MALRD1: variants seen among roughly 807,000 people sequenced by gnomAD.
MALRD1 encodes MAM and LDL receptor class A domain containing 1, also known as MAM and LDL-receptor class A domain-containing protein 1.
In MALRD1, 247 loss-of-function variants were observed where a neutral mutation model predicts 242.1. The ratio of observed to expected loss-of-function variants is 1.02; its 90% CI spans 0.92 to 1.13. The LOEUF is 1.13. Among genes scored for constraint, MALRD1 ranks in the 50% most tolerant of loss-of-function variants. MALRD1 has a pLI of 0.00. For missense variants in MALRD1, 2,989 were observed against 2,533.1 expected (o/e 1.18, Z -3.86); for synonymous variants, 995 against 866.6 (o/e 1.15, Z -2.60).
At chr10:19,488,230 C>A (rs1837318624) in intron 29 of MALRD1, among the ~76,000 whole-genome samples, 1 of 152,012 alleles carries the variant, frequency 6.6e-6, no homozygotes, top group East Asian at 1.9e-4. Flanking sequence ...TTTCTAAGCC[C>A]CCTTTAGATG....
At chr10:19,472,490 A>T (rs1836543637) in intron 29 of MALRD1, among the ~76,000 whole-genome samples, 1 of 151,996 alleles carries the variant, frequency 6.6e-6, no homozygotes, top group African/African-American at 2.4e-5. Flanking sequence ...TCTTTTTTAA[A>T]AGAAGAATTT....
At chr10:19,255,738 C>A (rs1012779945) in intron 18 of MALRD1, among the ~76,000 whole-genome samples, 5 of 151,706 alleles carry the variant, frequency 3.3e-5, no homozygotes, top group African/African-American at 9.7e-5. Flanking sequence ...TAGAGCAAAC[C>A]CAACTGTCTT....
chr10:19,337,527 T>C (rs1843666442), intron 24 of MALRD1, among the ~76,000 whole-genome samples: 1 of 152,184 alleles, frequency 6.6e-6, no homozygotes, highest in African/African-American at 2.4e-5. Context: ...TTCTTGATCT[T>C]ATTGGCCATT....
chr10:19,488,399 T>G (rs1412850974), intron 29 of MALRD1, among the ~76,000 whole-genome samples: 3 of 152,112 alleles, frequency 2.0e-5, no homozygotes, highest in Non-Finnish European at 4.4e-5. Context: ...CTCTTATATG[T>G]GATGATACTC....
intron 10 of MALRD1, among the ~76,000 whole-genome samples, chr10:19,140,773 T>C (rs1588604810): frequency 6.6e-6 from 1 of 152,162 alleles, no homozygotes; most frequent in African/African-American, 2.4e-5. Context: ...AGAATGGCAG[T>C]TGTCCAGGGC....
At chr10:19,079,393 A>G (rs2358292) in intron 2 of MALRD1, among the ~76,000 whole-genome samples, 11,191 of 151,812 alleles carry the variant, frequency 0.074, 589 homozygotes, top group East Asian at 0.27. Flanking sequence ...TTTCTGACCT[A>G]AAATATTATC....
intron 28 of MALRD1, 62 bp downstream of exon 28, chr10:19,389,671 G>T (rs1201024902): frequency 3.4e-6 from 5 of 1,481,468 alleles, no homozygotes; most frequent in Non-Finnish European, 3.6e-6. Context: ...ACAGGGTCTT[G>T]CTCTGTCACT....
chr10:19,255,513 A>G (rs1839467482), intron 18 of MALRD1, among the ~76,000 whole-genome samples: 1 of 152,062 alleles, frequency 6.6e-6, no homozygotes, highest in Admixed American at 6.6e-5. Flanking sequence ...GTTAAACCTT[A>G]ACAGTCATAA....
Position 19,395,782 on chromosome 10 carries a change from G to A in MALRD1, c.4845+6173G>A, listed in dbSNP as rs1011611727. 7.9e-5 allele frequency among the ~76,000 whole-genome samples: 12 copies of A among 152,162 alleles called. 1 individual carries two copies. The highest frequency in any genetic ancestry group is 6.6e-4 in the Admixed American group (10 of 15,264). The stretch of plus-strand genomic sequence containing the variant: ...GAGAACATGGCAATAATTATTCCAG[G>A]CATATTTTTGAATATGTGAGATTTT... On this transcript the variant is annotated intron_variant, in intron 28 of 39. Coordinates refer to ENST00000454679, the MANE Select transcript of MALRD1 (RefSeq NM_001142308.3).
intron 19 of MALRD1, among the ~76,000 whole-genome samples, chr10:19,277,956 G>A (rs991192420): frequency 1.3e-5 from 2 of 152,018 alleles, no homozygotes; most frequent in Admixed American, 6.5e-5. Flanking sequence ...TTTTTCCAAT[G>A]TTAGAGCAAC....
chr10:19,448,884 C>T (rs1835152963), intron 28 of MALRD1, among the ~76,000 whole-genome samples: 1 of 151,776 alleles, frequency 6.6e-6, no homozygotes, highest in African/African-American at 2.4e-5. Flanking sequence ...ACTTTTCCTC[C>T]TAACTGAATT....
Position 19,714,577 on chromosome 10 carries a change from C to T in MALRD1, c.6315-16129C>T, listed in dbSNP as rs142695741. 1.3e-4 allele frequency among the ~76,000 whole-genome samples: 20 copies of T among 152,230 alleles called. No individual in the cohort carries two copies. In the East Asian group the frequency reaches 3.3e-3, roughly 25 times the overall value. Reference sequence around the variant, plus strand: ...AAAAATGCTTGTCCTCACCTACGTCCGTGGGCACAGTCCTGGGGGTAGAGC... The same window carrying T: ...AAAAATGCTTGTCCTCACCTACGTCTGTGGGCACAGTCCTGGGGGTAGAGC... On this transcript the variant is annotated intron_variant, in intron 38 of 39. Coordinates refer to ENST00000454679, the MANE Select transcript of MALRD1 (RefSeq NM_001142308.3).
intron 36 of MALRD1, among the ~76,000 whole-genome samples, chr10:19,653,755 G>T (rs868177132): frequency 6.6e-6 from 1 of 152,044 alleles, no homozygotes; most frequent in Non-Finnish European, 1.5e-5. Context: ...AATAGTCTAC[G>T]TAAATTTCAG....
At chr10:19,247,622 G>A (rs912284561) in intron 18 of MALRD1, among the ~76,000 whole-genome samples, 1 of 151,120 alleles carries the variant, frequency 6.6e-6, no homozygotes, top group African/African-American at 2.4e-5. Context: ...GGGAATCAGA[G>A]GCTTAAGTGA....
intron 24 of MALRD1, among the ~76,000 whole-genome samples, chr10:19,346,728 G>A (rs1844143857): frequency 2.6e-5 from 4 of 152,012 alleles, no homozygotes; most frequent in Admixed American, 2.6e-4. Context: ...CTCGCTCACT[G>A]CACCCTCTAC....
intron 19 of MALRD1, among the ~76,000 whole-genome samples, chr10:19,266,939 G>A (rs1008680787): frequency 4.6e-5 from 7 of 151,938 alleles, no homozygotes; most frequent in Non-Finnish European, 1.0e-4. Context: ...ATTGCTCTGA[G>A]ACATTTATAT....
chr10:19,552,449 G>T (rs1835522213), intron 32 of MALRD1, among the ~76,000 whole-genome samples: 1 of 151,960 alleles, frequency 6.6e-6, no homozygotes, highest in Admixed American at 6.6e-5. Flanking sequence ...GTGTTTATTT[G>T]AATCTTCTCT....
Position 19,450,079 on chromosome 10 carries a change from C to T in MALRD1, c.4846-228C>T, listed in dbSNP as rs148993781. ...GAATTATATTTTTGGAGCAGTATTA[C>T]GAGCCCTTAGTGCTTTCCCCGACCC... On this transcript the variant is annotated intron_variant, in intron 28 of 39. Coordinates refer to ENST00000454679, the MANE Select transcript of MALRD1 (RefSeq NM_001142308.3). Among the ~76,000 whole-genome samples the T allele has an allele frequency of 4.9e-4, 75 of 152,236 alleles. 2 individuals carry two copies. The East Asian group carries it at 8.3e-3, about 17-fold the overall frequency.
intron 19 of MALRD1, among the ~76,000 whole-genome samples, chr10:19,278,011 A>G (rs532037752): frequency 4.7e-4 from 72 of 152,326 alleles, no homozygotes; most frequent in Middle Eastern, 3.4e-3. Context: ...GCATCTTGAA[A>G]TAGACATTTT....
Sources: allele counts gnomAD v4.1 joint callset (sites outside exome capture counted in the v4.1 genomes callset), GRCh38; gene constraint gnomAD v4.1.1; transcripts MANE v1.5; gene names NCBI Gene and HGNC (gene_info 2026-07-23, HGNC 2026-07-21).